The following CNTN4 variants were observed in gnomAD, a reference collection of about 807,000 sequenced individuals.
The protein encoded by CNTN4 is contactin-4.
CNTN4 carries 77 observed loss-of-function variants against 122.5 expected under a neutral mutation model. The ratio of observed to expected loss-of-function variants is 0.63; its 90% confidence interval spans 0.52 to 0.76. The LOEUF is 0.76. Ranked by LOEUF, CNTN4 falls within the 30% of genes least tolerant of loss-of-function variation. The pLI, the probability that CNTN4 is intolerant of heterozygous loss-of-function variation, is 0.00. For synonymous variants in CNTN4, 512 were observed against 447.0 expected (o/e 1.15, Z -1.83); for missense variants, 1,256 against 1,259.1 (o/e 1.00, Z 0.04).
At chr3:3,034,043 C>T (rs377001540) in intron 16 of CNTN4, among the ~76,000 whole-genome samples, 1 of 152,194 alleles carries the variant, frequency 6.6e-6, no homozygotes, top group Non-Finnish European at 1.5e-5. Flanking sequence ...AGTTCCCTTG[C>T]ACGCAAGTGT....
intron 2 of CNTN4, among the ~76,000 whole-genome samples, chr3:2,278,761 A>T (rs1450989049): frequency 6.7e-6 from 1 of 149,790 alleles, no homozygotes; most frequent in African/African-American, 2.6e-5. Context: ...CTCATTTGTA[A>T]AATGGCCATT....
intron 3 of CNTN4, among the ~76,000 whole-genome samples, chr3:2,479,746 G>A (rs2075936352): frequency 6.6e-6 from 1 of 152,152 alleles, no homozygotes; most frequent in African/African-American, 2.4e-5. Flanking sequence ...ATGGCTCTGA[G>A]TCCATTCTTT....
intron 7 of CNTN4, among the ~76,000 whole-genome samples, chr3:2,863,208 G>T (rs2150792687): frequency 6.6e-6 from 1 of 152,206 alleles, no homozygotes; most frequent in African/African-American, 2.4e-5. Context: ...AATATTCCAG[G>T]TGGTGATATT....
At position 2,385,846 on chromosome 3, in the gene CNTN4, C is replaced by G. The variant is rs35068617; in HGVS notation, c.-89+46613C>G. On this transcript the variant is annotated intron_variant, in intron 3 of 24. Coordinates refer to ENST00000418658, the MANE Select transcript of CNTN4 (RefSeq NM_175607.3). The surrounding 1 kb of genome is among the most constrained non-coding windows in gnomAD (Gnocchi z 4.0). ...GGTCACATTCACACGTACCAGGGGT[C>G]AAGACTTCAACACATCTTTTTAGCG... Among the ~76,000 whole-genome samples, 2 of 151,898 alleles carry G rather than the reference C, an allele frequency of 1.3e-5. No individual in the cohort carries two copies. The highest frequency in any genetic ancestry group is 2.9e-5 in the Non-Finnish European group (2 of 67,990).
chr3:2,122,379 C>A (rs191694512), intron 2 of CNTN4, among the ~76,000 whole-genome samples: 3 of 151,988 alleles, frequency 2.0e-5, no homozygotes, highest in African/African-American at 7.3e-5. Flanking sequence ...TGAATGCTTA[C>A]TATAAAAAAT....
intron 13 of CNTN4, among the ~76,000 whole-genome samples, chr3:2,973,646 T>C (rs944751048): frequency 1.3e-5 from 2 of 152,032 alleles, no homozygotes; most frequent in Admixed American, 1.3e-4. Flanking sequence ...TTTAATCCAA[T>C]AATCAACATA....
intron 3 of CNTN4, among the ~76,000 whole-genome samples, chr3:2,359,302 A>G (rs766989929): frequency 5.3e-5 from 8 of 151,860 alleles, no homozygotes; most frequent in Non-Finnish European, 7.3e-5. Context: ...TGTAATTATT[A>G]CAACGTATAA....
At chr3:2,883,078 A>C in intron 8 of CNTN4, 67 bp from the exon 9 acceptor site, 1 of 1,144,728 alleles carries the variant, frequency 8.7e-7, no homozygotes, top group Non-Finnish European at 1.3e-6. Flanking sequence ...ATTAACAGAA[A>C]AATGAGTTTT....
intron 8 of CNTN4, 81 bp from the exon 9 acceptor site, chr3:2,883,064 C>A: frequency 1.1e-6 from 1 of 935,104 alleles, no homozygotes; most frequent in Non-Finnish European, 1.7e-6. Context: ...TATAAGCATT[C>A]TGCATTAACA....
At chr3:2,404,151 C>G (rs184972628) in intron 3 of CNTN4, among the ~76,000 whole-genome samples, 1 of 152,238 alleles carries the variant, frequency 6.6e-6, no homozygotes, top group Admixed American at 6.5e-5. Context: ...TCTAGTGCTG[C>G]TCTAATGAAT....
chr3:2,677,440 A>C (rs1439014468), intron 4 of CNTN4, among the ~76,000 whole-genome samples: 5 of 150,498 alleles, frequency 3.3e-5, no homozygotes, highest in Non-Finnish European at 4.4e-5. Flanking sequence ...ATGTATCTAT[A>C]CATAGATATA....
chr3:2,263,790 C>T (rs1232825263), intron 2 of CNTN4, among the ~76,000 whole-genome samples: 1 of 142,204 alleles, frequency 7.0e-6, no homozygotes, highest in East Asian at 2.0e-4. Context: ...CTCTCCCTTC[C>T]TTTCCAAGCC....
At chr3:2,492,298 C>A (rs1281049871) in intron 3 of CNTN4, among the ~76,000 whole-genome samples, 1 of 152,112 alleles carries the variant, frequency 6.6e-6, no homozygotes, top group Non-Finnish European at 1.5e-5. Flanking sequence ...TCCTTCTAAA[C>A]GTGTCCCAAA....
chr3:2,689,785 C>T (rs565574554), intron 4 of CNTN4, among the ~76,000 whole-genome samples: 1 of 152,096 alleles, frequency 6.6e-6, no homozygotes, highest in Non-Finnish European at 1.5e-5. Context: ...CTATACACCA[C>T]AATACGAATC....
At chr3:2,816,287 GAGCTTGCAAT>G in intron 6 of CNTN4, among the ~76,000 whole-genome samples, 1 of 148,832 alleles carries the variant, frequency 6.7e-6, no homozygotes, top group African/African-American at 2.6e-5. Context: ...CCAGGAGGCA[GAGCTTGCAAT>G]GAGCCGAGAT....
intron 3 of CNTN4, among the ~76,000 whole-genome samples, chr3:2,481,033 T>TTTTCTTTTTCTTTTCTTTCTTTC (rs2075979435): frequency 8.3e-6 from 1 of 119,988 alleles, no homozygotes; most frequent in Non-Finnish European, 1.8e-5. Flanking sequence ...TTTCTTTTTC[T>TTTTCTTTTTCTTTTCTTTCTTTC]TTTCTTTCTT....
chr3:3,034,643 C>T lies in CNTN4; in HGVS notation c.1795C>T (p.Pro599Ser), dbSNP rs769761348. 1.2e-6 allele frequency: 2 copies of T among 1,614,108 alleles called. No homozygotes were observed. Among genetic ancestry groups the T allele is most frequent in the South Asian group, 1.1e-5 (1 of 91,070 alleles). The change falls in exon 17 of 25, where the codon CCC (proline) becomes TCC (serine). Residue 599 changes from proline (P) to serine (S), a missense_variant. Transcript: ENST00000418658. ...TTGCTCTTTCCCAGGTCCTCCAGGT[C>T]CCCCAGAGGCTGTGACAATAGACGA... ...ADLIVRGPPG[P>S]PEAVTIDEIT...
chr3:2,677,243 C>A (rs1429912032), intron 4 of CNTN4, among the ~76,000 whole-genome samples: 3 of 148,692 alleles, frequency 2.0e-5, no homozygotes. Flanking sequence ...ATCTATATAC[C>A]TATATATCTA....
intron 4 of CNTN4, among the ~76,000 whole-genome samples, chr3:2,599,759 G>A (rs1356072280): frequency 1.3e-5 from 2 of 152,130 alleles, no homozygotes; most frequent in African/African-American, 4.8e-5. Flanking sequence ...ATTCATTATT[G>A]CATTAGAGAG....
Sources: allele counts gnomAD v4.1 joint callset (sites outside exome capture counted in the v4.1 genomes callset), GRCh38; gene constraint gnomAD v4.1.1; non-coding constraint Gnocchi (gnomAD v3.1); transcripts MANE v1.5; gene names NCBI Gene and HGNC (gene_info 2026-07-23, HGNC 2026-07-21).